METTL6: variants seen among roughly 807,000 people sequenced by gnomAD.
METTL6 encodes methyltransferase 6, tRNA N3-cytidine.
Under a neutral mutation model 26.4 loss-of-function variants are expected in METTL6, and 22 were observed. That is an observed-to-expected ratio of 0.83 (90% CI 0.59 to 1.19). METTL6 has a LOEUF of 1.19. Ranked by LOEUF, METTL6 falls within the 50% of genes most tolerant of loss-of-function variation. The pLI, the probability that METTL6 is intolerant of heterozygous loss-of-function variation, is 0.00. For synonymous variants in METTL6, 109 were observed against 116.2 expected (o/e 0.94, Z 0.40); for missense variants, 304 against 324.8 (o/e 0.94, Z 0.49).
chr3:15,402,918 TA>T, intron 6 of METTL6, among the ~76,000 whole-genome samples: 1 of 152,312 alleles, frequency 6.6e-6, no homozygotes, highest in African/African-American at 2.4e-5. Context: ...GAAGAGGGTT[TA>T]TTTCAGGAAA....
Position 15,400,884 on chromosome 3 carries a change from ATACTT to A in METTL6, c.*11+10356_*11+10360del, listed in dbSNP as rs1699621547. The stretch of plus-strand genomic sequence containing the variant: ...TTTATCATTAAACATAACTGAAACT[ATACTT>A]GTGAACAGTTTTGGAGTGATGGAGT... On this transcript the variant is annotated intron_variant, in intron 6 of 6. Transcript: ENST00000443029. Among the ~76,000 whole-genome samples, 5 of 152,148 alleles carry A rather than the reference ATACTT, an allele frequency of 3.3e-5. No homozygotes were observed. In the South Asian group the frequency reaches 1.0e-3, roughly 32 times the overall value.
chr3:15,419,122 A>AT (rs1167640915), intron 3 of METTL6, among the ~76,000 whole-genome samples: 1 of 152,046 alleles, frequency 6.6e-6, no homozygotes, highest in African/African-American at 2.4e-5. Context: ...TTGCACCACT[A>AT]TACTCCAGCC....
chr3:15,410,503 G>A lies in METTL6; in HGVS notation c.*753C>T, dbSNP rs1256545207. On this transcript the variant is annotated 3_prime_UTR_variant, in exon 6 of 6. Coordinates refer to ENST00000383790, the MANE Select transcript of METTL6 (RefSeq NM_152396.4). ...TTTTTGTATTTTCTGTAGAGACAGAGTTTCACCATGTTGCCCACACTGGTC... is the reference window on the plus strand; with the variant it reads ...TTTTTGTATTTTCTGTAGAGACAGAATTTCACCATGTTGCCCACACTGGTC... Among the ~76,000 whole-genome samples the A allele has an allele frequency of 1.3e-5, 2 of 152,110 alleles. No homozygotes were observed. Among genetic ancestry groups the A allele is most frequent in the South Asian group, 4.1e-4 (2 of 4,820 alleles).
chr3:15,410,894 T>G lies in METTL6; in HGVS notation c.*362A>C. The G allele has an allele frequency of 6.1e-6, 1 of 165,038 alleles. No individual in the cohort carries two copies. The highest frequency in any genetic ancestry group is 1.3e-5 in the Non-Finnish European group (1 of 76,886). The allele number at this position is 165,038 out of a possible 1,614,324, so 10.2% of individuals were successfully genotyped here. Reference sequence around the variant, plus strand: ...CAAAAAATATATAAAGTAAAAAGAGTGATTTTATTTATTTATGAAACAGGG... The same window carrying G: ...CAAAAAATATATAAAGTAAAAAGAGGGATTTTATTTATTTATGAAACAGGG... On this transcript the variant is annotated 3_prime_UTR_variant, in exon 6 of 6. Coordinates refer to ENST00000383790, the MANE Select transcript of METTL6 (RefSeq NM_152396.4).
At chr3:15,421,604 C>T (rs926092954) in intron 3 of METTL6, among the ~76,000 whole-genome samples, 1 of 152,152 alleles carries the variant, frequency 6.6e-6, no homozygotes, top group Non-Finnish European at 1.5e-5. Flanking sequence ...GCACACGCCA[C>T]CACACCTGGC....
chr3:15,382,896 CAT>C (rs1182504509), exon 7 of METTL6: 2 of 152,134 alleles, frequency 1.3e-5, no homozygotes, highest in African/African-American at 2.4e-5. Flanking sequence ...ACAAATACCA[CAT>C]GATTTCACTT....
At chr3:15,399,063 A>G (rs1345909097) in intron 6 of METTL6, among the ~76,000 whole-genome samples, 1 of 152,150 alleles carries the variant, frequency 6.6e-6, no homozygotes, top group Non-Finnish European at 1.5e-5. Context: ...ATAATTAAAT[A>G]TATTAGCATG....
chr3:15,402,783 G>A, intron 6 of METTL6, among the ~76,000 whole-genome samples: 1 of 150,070 alleles, frequency 6.7e-6, no homozygotes, highest in Non-Finnish European at 1.5e-5. Context: ...GCAAAAACCT[G>A]AAAAGACACC....
intron 6 of METTL6, among the ~76,000 whole-genome samples, chr3:15,397,290 G>C (rs951452019): frequency 1.5e-4 from 23 of 152,220 alleles, no homozygotes; most frequent in Admixed American, 1.5e-3. Context: ...AGCCAGGCAC[G>C]GGATATAATC....
chr3:15,413,660 T>C, intron 5 of METTL6: 1 of 1,187,576 alleles, frequency 8.4e-7, no homozygotes, highest in Non-Finnish European at 1.1e-6. Flanking sequence ...GAAAGTAATC[T>C]CAAGGCATTA....
Position 15,427,471 on chromosome 3 carries a change from T to C in METTL6, c.-194A>G, listed in dbSNP as rs1384990507. On this transcript the variant is annotated 5_prime_UTR_variant, in exon 1 of 6. Coordinates refer to ENST00000383790, the MANE Select transcript of METTL6 (RefSeq NM_152396.4). ...AACCGCGAAACAACCCTAAACCAAT[T>C]CTGAGGACCACGAATTCGGATTATC... The C allele has an allele frequency of 1.4e-5, 6 of 435,528 alleles. No homozygotes were observed. The highest frequency in any genetic ancestry group is 2.5e-5 in the Non-Finnish European group (6 of 236,786). The allele number at this position is 435,528 out of a possible 1,614,324, so 27.0% of individuals were successfully genotyped here.
intron 6 of METTL6, among the ~76,000 whole-genome samples, chr3:15,396,034 G>A (rs1699478667): frequency 6.6e-6 from 1 of 152,112 alleles, no homozygotes; most frequent in South Asian, 2.1e-4. Flanking sequence ...GAATTTGAAT[G>A]TTGGCCTGCC....
chr3:15,412,854 A>C (rs1700030393), intron 5 of METTL6, among the ~76,000 whole-genome samples: 1 of 152,208 alleles, frequency 6.6e-6, no homozygotes, highest in Admixed American at 6.5e-5. Flanking sequence ...AATAGAGGTT[A>C]ATTATCTTCC....
At chr3:15,420,477 T>C (rs1182398525) in intron 3 of METTL6, among the ~76,000 whole-genome samples, 1 of 152,212 alleles carries the variant, frequency 6.6e-6, no homozygotes, top group Non-Finnish European at 1.5e-5. Context: ...TTTGGAAATG[T>C]AATGATCAAA....
intron 3 of METTL6, among the ~76,000 whole-genome samples, chr3:15,419,323 T>A (rs975207315): frequency 6.6e-5 from 10 of 152,196 alleles, no homozygotes; most frequent in African/African-American, 2.2e-4. Context: ...GCAGAGGTTA[T>A]GAATGGACAA....
At chr3:15,408,164 T>C (rs188001133), downstream of METTL6, among the ~76,000 whole-genome samples, 76 of 152,320 alleles carry the variant, frequency 5.0e-4, no homozygotes, top group African/African-American at 1.8e-3. Flanking sequence ...AACTACTCTC[T>C]GGTGTTAGAC....
At chr3:15,381,768 T>A (rs568290814) in exon 7 of METTL6, 1 of 152,272 alleles carries the variant, frequency 6.6e-6, no homozygotes, top group African/African-American at 2.4e-5. Flanking sequence ...CTTGTGGATC[T>A]CTGGTTTAGA....
rs1433966354 is a variant in METTL6, at chr3:15,426,446, C to T, written c.66G>A (p.Leu22=). Residue 22 remains leucine (L), a synonymous_variant, in exon 2 of 6, where the codon CTG becomes CTA. Transcript: ENST00000383790. ...CAGACACCAAAGTTTGGTCTCTTTT[C>T]AGTTTCTCCTCTTCTTCAGAGGTGA... The part of the protein sequence containing the change: ...RILTSEEEEK[L]KRDQTLVSDF... The T allele has an allele frequency of 6.2e-7, 1 of 1,614,198 alleles. No homozygotes were observed. Among genetic ancestry groups the T allele is most frequent in the Non-Finnish European group, 8.5e-7 (1 of 1,180,026 alleles).
intron 6 of METTL6, among the ~76,000 whole-genome samples, chr3:15,390,165 C>T (rs1046275973): frequency 5.3e-5 from 8 of 152,108 alleles, no homozygotes; most frequent in African/African-American, 1.7e-4. Context: ...CAATGGGTCA[C>T]GCCTGTAATC....
Sources: gnomAD v4.1 joint callset for allele counts (sites outside exome capture counted in the v4.1 genomes callset) on GRCh38, gnomAD v4.1.1 for gene constraint, MANE v1.5 for transcripts, NCBI Gene and HGNC (gene_info 2026-07-23, HGNC 2026-07-21) for gene names.